ELL: variants seen among roughly 807,000 people sequenced by gnomAD.
ELL encodes the protein RNA polymerase II elongation factor ELL.
A neutral mutation model predicts 64.0 loss-of-function variants in ELL; 18 were observed. That is an observed-to-expected ratio of 0.28 (90% confidence interval 0.19 to 0.42). The LOEUF is 0.42. ELL is among the 10% of genes least tolerant of loss of function. The pLI is 1.00. For missense variants in ELL, 797 were observed against 870.4 expected (o/e 0.92, Z 1.06); for synonymous variants, 399 against 376.2 (o/e 1.06, Z -0.70).
At chr19:18,518,158 A>G (rs1456076247) in intron 1 of ELL, among the ~76,000 whole-genome samples, 3 of 151,124 alleles carry the variant, frequency 2.0e-5, no homozygotes, top group Non-Finnish European at 4.4e-5. Flanking sequence ...ATTACACTCC[A>G]GCCTAGCAAC....
At chr19:18,473,042 G>T in intron 1 of ELL, 160 bp from the exon 2 acceptor site, 2 of 824,476 alleles carry the variant, frequency 2.4e-6, no homozygotes, top group Non-Finnish European at 3.8e-6. Context: ...TATAGGCAAG[G>T]TCACCGGAGC....
intron 1 of ELL, among the ~76,000 whole-genome samples, chr19:18,476,146 T>A (rs1235823121): frequency 6.6e-6 from 1 of 152,120 alleles, no homozygotes; most frequent in East Asian, 1.9e-4. Context: ...AAGGGTATTC[T>A]GGAGGAGGGA....
chr19:18,464,395 C>T (rs1215837585), intron 4 of ELL, among the ~76,000 whole-genome samples: 7 of 152,176 alleles, frequency 4.6e-5, no homozygotes, highest in Admixed American at 3.3e-4. Flanking sequence ...AAACAAAACA[C>T]GCTGTCTCTT....
At chr19:18,486,555 C>A (rs1178319192) in intron 1 of ELL, among the ~76,000 whole-genome samples, 1 of 152,174 alleles carries the variant, frequency 6.6e-6, no homozygotes, top group Non-Finnish European at 1.5e-5. Context: ...GAGACCCAGG[C>A]GGTTCTGAGA....
chr19:18,487,119 AC>A (rs566922976), intron 1 of ELL, among the ~76,000 whole-genome samples: 128 of 151,820 alleles, frequency 8.4e-4, no homozygotes, highest in African/African-American at 2.8e-3. Context: ...AGACCCCGCT[AC>A]CCCCCACCAG....
chr19:18,459,134 C>T (rs1974747765), intron 5 of ELL, among the ~76,000 whole-genome samples: 1 of 152,226 alleles, frequency 6.6e-6, no homozygotes, highest in South Asian at 2.1e-4. Flanking sequence ...CCACCTCAGC[C>T]TCCCAAAGTG....
chr19:18,491,058 G>A (rs897094559), intron 1 of ELL, among the ~76,000 whole-genome samples: 1 of 152,096 alleles, frequency 6.6e-6, no homozygotes, highest in African/African-American at 2.4e-5. Flanking sequence ...TTTTTCAGAT[G>A]AGATTAACAT....
intron 2 of ELL, among the ~76,000 whole-genome samples, chr19:18,466,423 G>A (rs573924975): frequency 1.6e-4 from 25 of 152,200 alleles, no homozygotes; most frequent in Non-Finnish European, 3.2e-4. Flanking sequence ...TGGACTCCAC[G>A]TGAGTCTCCA....
At chr19:18,484,797 A>G (rs1975377357) in intron 1 of ELL, among the ~76,000 whole-genome samples, 1 of 152,176 alleles carries the variant, frequency 6.6e-6, no homozygotes, top group South Asian at 2.1e-4. Context: ...ACTCACCAAC[A>G]ACAGGTACTG....
intron 10 of ELL, 164 bp from the exon 11 acceptor site, chr19:18,445,432 G>A (rs1461609250): frequency 1.4e-6 from 1 of 721,934 alleles, no homozygotes; most frequent in Non-Finnish European, 2.4e-6. Context: ...TGTAGCTCCG[G>A]AGTGGGTGGG....
chr19:18,506,627 AG>A (rs1975889233), intron 1 of ELL, among the ~76,000 whole-genome samples: 2 of 152,170 alleles, frequency 1.3e-5, no homozygotes, highest in Admixed American at 1.3e-4. Context: ...TGGGAGGCTG[AG>A]GTAGGAGGAT....
chr19:18,475,604 G>A (rs1322761270), intron 1 of ELL, among the ~76,000 whole-genome samples: 1 of 152,194 alleles, frequency 6.6e-6, no homozygotes, highest in East Asian at 1.9e-4. Flanking sequence ...TCCGTCAACT[G>A]GTGGAGAGAG....
At chr19:18,446,597 A>AG (rs1974422554) in intron 9 of ELL, 117 bp from the exon 10 acceptor site, 12 of 1,496,930 alleles carry the variant, frequency 8.0e-6, no homozygotes, top group African/African-American at 1.4e-5. Context: ...CTGGATTATG[A>AG]GGGGGCCTGG....
chr19:18,461,991 G>T, intron 4 of ELL, 139 bp from the exon 5 acceptor site: 1 of 1,181,502 alleles, frequency 8.5e-7, no homozygotes, highest in Non-Finnish European at 1.2e-6. Context: ...GCAAAAGCCA[G>T]CTTGCTCCTT....
intron 1 of ELL, among the ~76,000 whole-genome samples, chr19:18,519,506 A>C (rs530807657): frequency 2.4e-4 from 37 of 152,302 alleles, no homozygotes; most frequent in African/African-American, 8.7e-4. Flanking sequence ...GCAAGATTAA[A>C]TTCGAAAGTA....
chr19:18,504,083 C>T (rs1423792617), intron 1 of ELL, among the ~76,000 whole-genome samples: 1 of 152,244 alleles, frequency 6.6e-6, no homozygotes, highest in African/African-American at 2.4e-5. Context: ...AGAGGATCTG[C>T]GGGCTGTCAC....
intron 6 of ELL, among the ~76,000 whole-genome samples, chr19:18,454,536 A>G (rs909678892): frequency 2.6e-5 from 4 of 151,538 alleles, no homozygotes; most frequent in Non-Finnish European, 5.9e-5. Context: ...ACATCCTTAG[A>G]GTAGGTTAAA....
intron 1 of ELL, among the ~76,000 whole-genome samples, chr19:18,509,326 CT>C (rs1729685201): frequency 6.6e-6 from 1 of 152,038 alleles, no homozygotes; most frequent in Non-Finnish European, 1.5e-5. Context: ...CGAAAAGTCA[CT>C]GTTTTCAGAA....
At chr19:18,513,996 GA>G (rs1976080439) in intron 1 of ELL, among the ~76,000 whole-genome samples, 2 of 151,904 alleles carry the variant, frequency 1.3e-5, no homozygotes, top group African/African-American at 2.4e-5. Flanking sequence ...ACCAGAACTC[GA>G]AGCCCTACCC....
Sources: gnomAD v4.1 joint callset for allele counts (sites outside exome capture counted in the v4.1 genomes callset) on GRCh38, gnomAD v4.1.1 for gene constraint, MANE v1.5 for transcripts, NCBI Gene and HGNC (gene_info 2026-07-23, HGNC 2026-07-21) for gene names.